The following LINGO2 variants were observed in gnomAD, a reference collection of about 807,000 sequenced individuals.
The protein encoded by LINGO2 is leucine-rich repeat and immunoglobulin-like domain-containing nogo receptor-interacting protein 2.
Under a neutral mutation model 30.6 loss-of-function variants are expected in LINGO2, and 14 were observed. The ratio of observed to expected loss-of-function variants is 0.46; its 90% CI spans 0.30 to 0.72. The LOEUF is 0.72. Among genes scored for constraint, LINGO2 ranks in the 30% least tolerant of loss-of-function variants. The probability of loss-of-function intolerance (pLI) is 0.07; values close to 1 mark genes in which losing one functional copy is unlikely to be tolerated. For synonymous variants in LINGO2, 317 were observed against 288.5 expected, an observed-to-expected ratio of 1.10 and a Z score of -1.00; for missense variants, 729 against 751.7, an observed-to-expected ratio of 0.97 and a Z score of 0.35.
chr9:28,906,737 C>A, the LINGO2 span, among the ~76,000 whole-genome samples: 1 of 151,806 alleles, frequency 6.6e-6, no homozygotes, highest in Non-Finnish European at 1.5e-5. Flanking sequence ...ACAAAGTGAC[C>A]ATCTTAAATA....
chr9:28,524,725 C>A (rs1384457045), intron 1 of LINGO2, among the ~76,000 whole-genome samples: 3 of 152,140 alleles, frequency 2.0e-5, no homozygotes, highest in African/African-American at 7.2e-5. Context: ...TGCACTTTAG[C>A]CTGGGCAACA....
chr9:28,976,396 C>G, the LINGO2 span, among the ~76,000 whole-genome samples: 1 of 152,140 alleles, frequency 6.6e-6, no homozygotes, highest in South Asian at 2.1e-4. Context: ...ATACCATGAT[C>G]TGGAGAAAAG....
At chr9:27,945,464 A>G (rs1255805566), downstream of LINGO2, among the ~76,000 whole-genome samples, 5 of 152,298 alleles carry the variant, frequency 3.3e-5, no homozygotes, top group Non-Finnish European at 7.4e-5. Flanking sequence ...CCTACTAGGG[A>G]GTTGTCAGTA....
At chr9:28,999,256 T>A in the LINGO2 span, among the ~76,000 whole-genome samples, 2 of 152,036 alleles carry the variant, frequency 1.3e-5, no homozygotes, top group Non-Finnish European at 2.9e-5. Flanking sequence ...CTCTATCTGA[T>A]CAGAGCCAAA....
At chr9:28,760,377 C>T in the LINGO2 span, among the ~76,000 whole-genome samples, 1 of 152,018 alleles carries the variant, frequency 6.6e-6, no homozygotes, top group Non-Finnish European at 1.5e-5. Flanking sequence ...TATCAGCCAT[C>T]ACTAAGGGTT....
At chr9:28,816,610 TCTA>T in the LINGO2 span, among the ~76,000 whole-genome samples, 1 of 152,144 alleles carries the variant, frequency 6.6e-6, no homozygotes, top group Non-Finnish European at 1.5e-5. Flanking sequence ...GGTCTGTGTC[TCTA>T]CTAATTTTAT....
chr9:28,388,901 T>C (rs1821710636), intron 2 of LINGO2, among the ~76,000 whole-genome samples: 2 of 151,214 alleles, frequency 1.3e-5, no homozygotes, highest in Non-Finnish European at 3.0e-5. Context: ...TCTCTTTCTC[T>C]CTCTCTCTCT....
chr9:27,997,557 C>T (rs1821731558), intron 5 of LINGO2, among the ~76,000 whole-genome samples: 1 of 152,188 alleles, frequency 6.6e-6, no homozygotes, highest in African/African-American at 2.4e-5. Flanking sequence ...TACTTTTATG[C>T]TCAGACTGTA....
the LINGO2 span, among the ~76,000 whole-genome samples, chr9:28,718,633 C>T: frequency 2.0e-5 from 3 of 152,022 alleles, no homozygotes; most frequent in East Asian, 5.8e-4. Context: ...TCTTACTTTT[C>T]TCAGAAACTC....
the LINGO2 span, among the ~76,000 whole-genome samples, chr9:28,980,670 C>T: frequency 6.6e-6 from 1 of 152,100 alleles, no homozygotes; most frequent in East Asian, 1.9e-4. Context: ...TTCTCTTTAA[C>T]TATTTGCTCA....
intron 3 of LINGO2, among the ~76,000 whole-genome samples, chr9:28,325,627 G>C (rs1825198664): frequency 6.6e-6 from 1 of 152,010 alleles, no homozygotes; most frequent in Non-Finnish European, 1.5e-5. Context: ...CTTTTCACTT[G>C]GTTCTCATTC....
At chr9:28,554,085 A>G (rs1822489109) in intron 1 of LINGO2, among the ~76,000 whole-genome samples, 1 of 152,152 alleles carries the variant, frequency 6.6e-6, no homozygotes, top group East Asian at 1.9e-4. Context: ...AAGAAACTGC[A>G]TCAACTAACG....
chr9:29,172,012 G>T, the LINGO2 span, among the ~76,000 whole-genome samples: 1 of 151,826 alleles, frequency 6.6e-6, no homozygotes, highest in African/African-American at 2.4e-5. Context: ...AAATACTACT[G>T]ATTTCTTTAA....
At chr9:28,563,804 T>G (rs1007268546) in intron 1 of LINGO2, among the ~76,000 whole-genome samples, 10 of 152,164 alleles carry the variant, frequency 6.6e-5, no homozygotes, top group Non-Finnish European at 1.5e-4. Context: ...TGACATTCAG[T>G]GCCCAGAATC....
chr9:28,292,305 A>G (rs1587402651), intron 4 of LINGO2, among the ~76,000 whole-genome samples: 4 of 152,262 alleles, frequency 2.6e-5, no homozygotes, highest in Admixed American at 2.0e-4. Context: ...GAGGATAACA[A>G]TAAGATCCAA....
the LINGO2 span, among the ~76,000 whole-genome samples, chr9:28,728,262 T>C: frequency 1.0e-2 from 1,514 of 152,140 alleles, 26 homozygotes; most frequent in African/African-American, 0.035. Context: ...CACTGTGCCC[T>C]AGAGAAAGAC....
At chr9:28,450,699 A>G (rs1824614658) in intron 2 of LINGO2, among the ~76,000 whole-genome samples, 1 of 152,032 alleles carries the variant, frequency 6.6e-6, no homozygotes, top group South Asian at 2.1e-4. Context: ...TCCATGCCGT[A>G]TGTCAATACA....
chr9:29,054,131 A>C, the LINGO2 span, among the ~76,000 whole-genome samples: 1 of 152,140 alleles, frequency 6.6e-6, no homozygotes, highest in Non-Finnish European at 1.5e-5. Flanking sequence ...TGAGCTAAAA[A>C]TTTGTTAACA....
chr9:28,223,140 G>A (rs1474321752), intron 4 of LINGO2, among the ~76,000 whole-genome samples: 3 of 152,196 alleles, frequency 2.0e-5, no homozygotes, highest in Admixed American at 6.5e-5. Context: ...AAAGAAGAGA[G>A]ATGGTATGTC....
Sources: allele counts gnomAD v4.1 joint callset (sites outside exome capture counted in the v4.1 genomes callset), GRCh38; gene constraint gnomAD v4.1.1; transcripts MANE v1.5; gene names NCBI Gene and HGNC (gene_info 2026-07-23, HGNC 2026-07-21).